Variants in AGBL1 observed in about 807,000 individuals in gnomAD.
The protein encoded by AGBL1 is AGBL carboxypeptidase 1.
AGBL1 carries 130 observed loss-of-function variants against 118.9 expected under a neutral mutation model. The ratio of observed to expected loss-of-function variants is 1.09; its 90% CI spans 0.95 to 1.26. The LOEUF is 1.26. AGBL1 is among the 50% of genes most tolerant of loss of function. AGBL1 has a pLI of 0.00. For missense variants in AGBL1, 1,584 were observed against 1,298.1 expected (o/e 1.22, Z -3.38); for synonymous variants, 555 against 478.9 (o/e 1.16, Z -2.08).
intron 22 of AGBL1, among the ~76,000 whole-genome samples, chr15:86,824,523 T>C (rs947238620): frequency 2.7e-5 from 4 of 148,486 alleles, no homozygotes; most frequent in African/African-American, 5.0e-5. Context: ...AATTGATCTA[T>C]AGGCTTAATA....
At chr15:86,451,517 G>A (rs111605338) in intron 18 of AGBL1, among the ~76,000 whole-genome samples, 7 of 152,254 alleles carry the variant, frequency 4.6e-5, no homozygotes, top group African/African-American at 1.4e-4. Flanking sequence ...CTGTGGTCAC[G>A]TGGCCAAACT....
At position 86,511,663 on chromosome 15, in the gene AGBL1, C is replaced by T. The variant is rs139182072; in HGVS notation, c.2556-11147C>T. On this transcript the variant is annotated intron_variant, in intron 18 of 22. Transcript: ENST00000614907. ...GTTGTGAAGATCCATGAGGAGAATA[C>T]ATATAGCAGTTAATAAAAGGCATGG... 2.8e-3 allele frequency among the ~76,000 whole-genome samples: 423 copies of T among 151,986 alleles called. 2 individuals are homozygous for T. Among genetic ancestry groups the T allele is most frequent in the Middle Eastern group, 6.8e-3 (2 of 294 alleles).
At chr15:86,530,596 G>C (rs2083336029) in intron 19 of AGBL1, among the ~76,000 whole-genome samples, 1 of 150,714 alleles carries the variant, frequency 6.6e-6, no homozygotes, top group South Asian at 2.1e-4. Context: ...ACTCAGCTCT[G>C]CACCAAGCGG....
intron 21 of AGBL1, among the ~76,000 whole-genome samples, chr15:86,659,660 C>T (rs1259857981): frequency 6.6e-6 from 1 of 152,174 alleles, no homozygotes; most frequent in Non-Finnish European, 1.5e-5. Flanking sequence ...TGATCATAAC[C>T]TAATCTTTCT....
chr15:86,448,262 G>A (rs2082150803), intron 18 of AGBL1, among the ~76,000 whole-genome samples: 1 of 152,196 alleles, frequency 6.6e-6, no homozygotes, highest in African/African-American at 2.4e-5. Context: ...GGTAGTATTT[G>A]GATTTGTTAG....
chr15:86,499,105 T>C (rs2082887803), intron 18 of AGBL1, among the ~76,000 whole-genome samples: 1 of 151,916 alleles, frequency 6.6e-6, no homozygotes, highest in African/African-American at 2.4e-5. Context: ...GCTCATCCTC[T>C]CTAATATTTT....
chr15:86,314,549 C>G (rs2079969257), intron 17 of AGBL1, among the ~76,000 whole-genome samples: 1 of 152,120 alleles, frequency 6.6e-6, no homozygotes, highest in Non-Finnish European at 1.5e-5. Context: ...TATGGTGGGT[C>G]TCTTTGCACA....
At chr15:86,850,535 C>G (rs967635896) in intron 22 of AGBL1, among the ~76,000 whole-genome samples, 2 of 152,176 alleles carry the variant, frequency 1.3e-5, no homozygotes, top group African/African-American at 4.8e-5. Flanking sequence ...TTTGTTTGCT[C>G]CTGTTCCAGA....
chr15:86,924,685 C>G (rs907496786), intron 23 of AGBL1, among the ~76,000 whole-genome samples: 1 of 152,176 alleles, frequency 6.6e-6, no homozygotes, highest in Non-Finnish European at 1.5e-5. Context: ...CCCTTCATAA[C>G]TTGGACATCA....
chr15:86,982,708 A>AT (rs1023787796), intron 23 of AGBL1, among the ~76,000 whole-genome samples: 1 of 152,126 alleles, frequency 6.6e-6, no homozygotes, highest in African/African-American at 2.4e-5. Flanking sequence ...CTTTCTGGTG[A>AT]TTTTTTTAAT....
chr15:86,147,778 C>A (rs2077052497), intron 3 of AGBL1, among the ~76,000 whole-genome samples: 1 of 152,348 alleles, frequency 6.6e-6, no homozygotes, highest in East Asian at 1.9e-4. Context: ...AGTGTTTGAG[C>A]TCTGAGAACA....
At chr15:86,327,219 G>T (rs1047828791) in intron 17 of AGBL1, among the ~76,000 whole-genome samples, 1 of 152,086 alleles carries the variant, frequency 6.6e-6, no homozygotes, top group Non-Finnish European at 1.5e-5. Flanking sequence ...CAATGTGGAG[G>T]GTGTGCATGA....
chr15:86,154,171 G>C (rs1299741314), intron 3 of AGBL1, among the ~76,000 whole-genome samples: 1 of 152,154 alleles, frequency 6.6e-6, no homozygotes, highest in Non-Finnish European at 1.5e-5. Context: ...GTTAATGTAT[G>C]AGGACAACCT....
At chr15:86,271,745 G>A (rs1445237669) in intron 15 of AGBL1, 39 bp downstream of exon 15, 3 of 1,540,182 alleles carry the variant, frequency 1.9e-6, no homozygotes, top group African/African-American at 2.7e-5. Context: ...TCTCTGTCCT[G>A]TAATTTTCTC....
At chr15:86,543,211 A>C (rs1024704125) in intron 19 of AGBL1, among the ~76,000 whole-genome samples, 1 of 148,516 alleles carries the variant, frequency 6.7e-6, no homozygotes. Context: ...TATTGTTTAC[A>C]ATATCTATCT....
chr15:86,154,006 C>T (rs2077153545), intron 3 of AGBL1, among the ~76,000 whole-genome samples: 1 of 152,148 alleles, frequency 6.6e-6, no homozygotes, highest in Non-Finnish European at 1.5e-5. Flanking sequence ...ATGTTCCCAA[C>T]TGTCTTTTAT....
At chr15:86,780,170 G>A (rs1395891144) in intron 22 of AGBL1, among the ~76,000 whole-genome samples, 1 of 145,774 alleles carries the variant, frequency 6.9e-6, no homozygotes, top group African/African-American at 2.5e-5. Flanking sequence ...TATGATGTAA[G>A]GAACAAGACA....
At chr15:86,269,844 G>T in intron 13 of AGBL1, 75 bp from the exon 14 acceptor site, 1 of 1,520,712 alleles carries the variant, frequency 6.6e-7, no homozygotes, top group South Asian at 1.2e-5. Flanking sequence ...AAACTGAAAC[G>T]TGTAGATTCT....
At chr15:86,874,099 G>A (rs554922073) in intron 22 of AGBL1, among the ~76,000 whole-genome samples, 1 of 152,210 alleles carries the variant, frequency 6.6e-6, no homozygotes, top group East Asian at 1.9e-4. Flanking sequence ...ATTCAGCTAT[G>A]GAAGTGCTTT....
Sources: gnomAD v4.1 joint callset for allele counts (sites outside exome capture counted in the v4.1 genomes callset) on GRCh38, gnomAD v4.1.1 for gene constraint, MANE v1.5 for transcripts, NCBI Gene and HGNC (gene_info 2026-07-23, HGNC 2026-07-21) for gene names.